Variants in ADAMTSL1 observed in about 807,000 individuals in gnomAD.
The protein encoded by ADAMTSL1 is ADAMTS-like protein 1.
ADAMTSL1 carries 126 observed loss-of-function variants against 201.8 expected under a neutral mutation model. The observed-to-expected ratio is 0.62, with a 90% confidence interval of 0.54 to 0.72. The LOEUF is 0.72. Among genes scored for constraint, ADAMTSL1 ranks in the 30% least tolerant of loss-of-function variants. ADAMTSL1 has a pLI of 0.00. For synonymous variants in ADAMTSL1, 1,121 were observed against 903.4 expected (o/e 1.24, Z -4.32); for missense variants, 2,679 against 2,277.8 (o/e 1.18, Z -3.59).
chr9:18,200,599 C>A (rs1829399916), intron 2 of ADAMTSL1, among the ~76,000 whole-genome samples: 1 of 151,890 alleles, frequency 6.6e-6, no homozygotes, highest in South Asian at 2.1e-4. Context: ...TGAATGGCTG[C>A]CATAATTGTT....
At chr9:18,575,325 G>C (rs962875595) in intron 4 of ADAMTSL1, among the ~76,000 whole-genome samples, 1 of 152,150 alleles carries the variant, frequency 6.6e-6, no homozygotes, top group Admixed American at 6.5e-5. Context: ...TCATGAGGCA[G>C]AGAAACTGAT....
intron 1 of ADAMTSL1, among the ~76,000 whole-genome samples, chr9:18,100,786 A>G (rs1824480126): frequency 6.6e-6 from 1 of 152,162 alleles, no homozygotes; most frequent in African/African-American, 2.4e-5. Context: ...TGTTGTATTC[A>G]CTGTTATTGG....
chr9:18,603,451 G>A (rs1189855742), intron 4 of ADAMTSL1, among the ~76,000 whole-genome samples: 1 of 151,764 alleles, frequency 6.6e-6, no homozygotes, highest in East Asian at 1.9e-4. Flanking sequence ...CAGTATTGTT[G>A]GGTCCATATA....
chr9:17,970,335 C>T lies in ADAMTSL1; in HGVS notation c.87+63413C>T, dbSNP rs550535680. ...CTGCCCTGTTAGCTCTTACTCAGAACATGGCATTATCCTCCTCTTTGCCTT... is the reference window on the plus strand; with the variant it reads ...CTGCCCTGTTAGCTCTTACTCAGAATATGGCATTATCCTCCTCTTTGCCTT... On this transcript the variant is annotated intron_variant, in intron 1 of 29. Transcript: ENST00000680146. 1.7e-4 allele frequency among the ~76,000 whole-genome samples: 26 copies of T among 152,182 alleles called. No individual in the cohort carries two copies. The South Asian group carries it at 5.4e-3, about 32-fold the overall frequency.
At position 18,573,983 on chromosome 9, in the gene ADAMTSL1, G is replaced by A. The variant is rs566217072; in HGVS notation, c.238-47G>A. On this transcript the variant is annotated intron_variant, in intron 3 of 28. Transcript: ENST00000380548. ...ATAGCTGCTCTGGTTTCATGTTTGG[G>A]GGTATCCTCCTAACCTTTGTATGTC... is the stretch of plus-strand genomic sequence containing the variant. 2.2e-4 allele frequency: 324 copies of A among 1,500,766 alleles called. 1 individual carries two copies. The South Asian group carries it at 2.6e-3, about 12-fold the overall frequency. 93.0% of individuals were successfully genotyped at this position (1,500,766 alleles called of 1,614,324 possible). A position where few individuals can be genotyped will look rare whatever the true frequency, so the allele number is the denominator to read the frequency against.
At chr9:18,829,716 C>A (rs1195239942) in intron 22 of ADAMTSL1, 127 bp from the exon 23 acceptor site, 10 of 1,295,512 alleles carry the variant, frequency 7.7e-6, no homozygotes, top group African/African-American at 1.5e-5. Context: ...TGTTAAAAGG[C>A]AACAATAGTA....
At chr9:18,202,823 GA>G (rs553099763) in intron 2 of ADAMTSL1, among the ~76,000 whole-genome samples, 194 of 152,234 alleles carry the variant, frequency 1.3e-3, no homozygotes, top group African/African-American at 4.5e-3. Flanking sequence ...ACCTTAGGTT[GA>G]GTGGGTTGAG....
chr9:18,886,799 C>T (rs1049809507), intron 23 of ADAMTSL1, among the ~76,000 whole-genome samples: 4 of 152,230 alleles, frequency 2.6e-5, no homozygotes, highest in Non-Finnish European at 5.9e-5. Context: ...CAATATGAAT[C>T]TAGGGGGTAT....
intron 2 of ADAMTSL1, among the ~76,000 whole-genome samples, chr9:18,182,257 GTGCACAAGTACCC>G (rs1340242974): frequency 1.3e-5 from 2 of 150,662 alleles, no homozygotes; most frequent in African/African-American, 4.9e-5. Flanking sequence ...CATGCACATT[GTGCACAAGTACCC>G]TAAAACTTAA....
chr9:17,921,861 A>T (rs1441383897), intron 1 of ADAMTSL1, among the ~76,000 whole-genome samples: 1 of 152,088 alleles, frequency 6.6e-6, no homozygotes, highest in Non-Finnish European at 1.5e-5. Context: ...TTTGTTTTTT[A>T]ATTTTTCAGT....
chr9:18,721,504 C>A, intron 14 of ADAMTSL1, 32 bp from the exon 15 acceptor site: 2 of 1,610,198 alleles, frequency 1.2e-6, no homozygotes, highest in Non-Finnish European at 1.7e-6. Context: ...ACCCACTTTG[C>A]ACTCTGGCCT....
intron 23 of ADAMTSL1, among the ~76,000 whole-genome samples, chr9:18,833,571 G>A (rs1442849496): frequency 2.0e-5 from 3 of 152,074 alleles, no homozygotes; most frequent in Admixed American, 6.6e-5. Flanking sequence ...GTAAATTTAA[G>A]TTCCTTATAG....
rs1331435629 is a variant in ADAMTSL1, at chr9:18,267,781, C to CAAA, written c.207+103803_207+103805dup. On this transcript the variant is annotated intron_variant, in intron 2 of 29. Coordinates refer to the ADAMTSL1 transcript ENST00000680146. ...GGCTATTAAAAAAAAAAAACAAAAA[C>CAAA]AAAAACAAAAAAACCTTAATCTGAG... 1.6e-4 allele frequency among the ~76,000 whole-genome samples: 22 copies of CAAA among 138,720 alleles called. 1 individual carries two copies. The highest frequency in any genetic ancestry group is 5.0e-4 in the African/African-American group (18 of 36,226). 91.0% of individuals were successfully genotyped at this position (138,720 alleles called of 152,430 possible).
chr9:18,057,138 C>T (rs1254065370), intron 1 of ADAMTSL1, among the ~76,000 whole-genome samples: 5 of 152,234 alleles, frequency 3.3e-5, no homozygotes, highest in Middle Eastern at 3.4e-3. Context: ...AGGCAGGTAG[C>T]GGTTTTTCTA....
chr9:18,657,649 C>G lies in ADAMTSL1; in HGVS notation c.845C>G (p.Ser282Trp), dbSNP rs368670565. The change falls in exon 8 of 29, where the codon TCG becomes TGG. Residue 282 changes from serine (S) to tryptophan (W), a missense_variant. Transcript: ENST00000380548. The stretch of plus-strand genomic sequence containing the variant: ...TGTTGACTCCTGCAGATTCGTAACT[C>G]GGGCTCCGCTGACAGTACAGTCCAG... ...TADFIVKIRN[S>W]GSADSTVQFI... 1 of 1,613,860 alleles carries G rather than the reference C, an allele frequency of 6.2e-7. No homozygotes were observed. Among genetic ancestry groups the G allele is most frequent in the Admixed American group, 1.7e-5 (1 of 60,004 alleles).
intron 23 of ADAMTSL1, among the ~76,000 whole-genome samples, chr9:18,870,190 C>T (rs1432210547): frequency 2.0e-5 from 3 of 152,328 alleles, no homozygotes; most frequent in African/African-American, 7.2e-5. Context: ...AGTGTCCACT[C>T]ACTGCAGCAT....
intron 23 of ADAMTSL1, among the ~76,000 whole-genome samples, chr9:18,842,543 A>G (rs991062840): frequency 5.3e-5 from 8 of 152,146 alleles, no homozygotes; most frequent in Non-Finnish European, 8.8e-5. Context: ...TTCTGTAGAC[A>G]TCTATTAGGT....
chr9:18,535,436 A>G (rs1238974178), intron 3 of ADAMTSL1, among the ~76,000 whole-genome samples: 1 of 152,042 alleles, frequency 6.6e-6, no homozygotes, highest in Non-Finnish European at 1.5e-5. Context: ...TGAGCCCCCC[A>G]AGTATCTAGG....
chr9:18,244,256 C>G (rs1340662490), intron 2 of ADAMTSL1, among the ~76,000 whole-genome samples: 1 of 152,092 alleles, frequency 6.6e-6, no homozygotes, highest in African/African-American at 2.4e-5. Flanking sequence ...CTGTCTGGCA[C>G]AGACTCTCTC....
Sources: allele counts gnomAD v4.1 joint callset (sites outside exome capture counted in the v4.1 genomes callset), GRCh38; gene constraint gnomAD v4.1.1; transcripts MANE v1.5; gene names NCBI Gene and HGNC (gene_info 2026-07-23, HGNC 2026-07-21).